Variants in P2RY10 observed in about 807,000 individuals in gnomAD.
P2RY10 encodes the protein P2Y receptor family member 10.
P2RY10 carries 4 observed loss-of-function variants against 12.1 expected under a neutral mutation model. That is an observed-to-expected ratio of 0.33 (90% CI 0.16 to 0.76). The LOEUF (loss-of-function observed/expected upper bound fraction) is 0.76, where lower values mean the gene tolerates loss of function less well. Among genes scored for constraint, P2RY10 ranks in the 30% least tolerant of loss-of-function variants. P2RY10 has a pLI of 0.61. For missense variants in P2RY10, 233 were observed against 264.6 expected (o/e 0.88, Z 0.83); for synonymous variants, 112 against 94.1 (o/e 1.19, Z -1.10).
At chrX:78,946,984 C>G (rs1293487070) in intron 1 of P2RY10, among the ~76,000 whole-genome samples, 1 of 111,607 alleles carries the variant, frequency 9.0e-6, no homozygotes, top group African/African-American at 3.3e-5. Context: ...GAGGCCGAGA[C>G]AGGTGGATCA....
Position 78,961,007 on chromosome X carries a change from G to A in P2RY10, c.487G>A (p.Ala163Thr). 1 of 1,211,590 alleles carries A rather than the reference G, an allele frequency of 8.3e-7. No homozygotes were observed. Among genetic ancestry groups the A allele is most frequent in the Non-Finnish European group, 1.1e-6 (1 of 895,312 alleles). Reference sequence around the variant, plus strand: ...TGCCATCTGGATCGTTGTGGGGACTGCCTGTTTGCCATTTCCCATCCTGAG... The same window carrying A: ...TGCCATCTGGATCGTTGTGGGGACTACCTGTTTGCCATTTCCCATCCTGAG... ...SAAIWIVVGT[A>T]CLPFPILRST... The change falls in exon 4 of 4, where the codon GCC becomes ACC. Residue 163 changes from alanine (A) to threonine (T), a missense_variant. Ala to Thr is a moderately conservative substitution (Grantham distance 58). Transcript: ENST00000171757.
Position 78,962,927 on chromosome X carries a change from G to A in P2RY10, c.*1387G>A, listed in dbSNP as rs774047057. On this transcript the variant is annotated 3_prime_UTR_variant, in exon 4 of 4. Transcript: ENST00000171757. ...AACTTTTAAGAAGATTTCTGTGAGC[G>A]TAATTGACAATATCTGCATTAGAAA... Among the ~76,000 whole-genome samples, 28 of 112,112 alleles carry A rather than the reference G, an allele frequency of 2.5e-4. No homozygotes were observed. Among genetic ancestry groups the A allele is most frequent in the South Asian group, 7.4e-4 (2 of 2,696 alleles).
chrX:78,963,652 C>A lies in P2RY10; in HGVS notation c.*2112C>A, dbSNP rs1216383347. 9.0e-6 allele frequency among the ~76,000 whole-genome samples: 1 copy of A among 111,151 alleles called. No homozygotes were observed. Among genetic ancestry groups the A allele is most frequent in the Non-Finnish European group, 1.9e-5 (1 of 52,790 alleles). ...CTACCATTTAAGTGGAATCTTTGAACTTTTTTTTTGACATGTGAATCTCTA... is the reference window on the plus strand; with the variant it reads ...CTACCATTTAAGTGGAATCTTTGAAATTTTTTTTTGACATGTGAATCTCTA... On this transcript the variant is annotated 3_prime_UTR_variant, in exon 4 of 4. Coordinates refer to ENST00000171757, the MANE Select transcript of P2RY10 (RefSeq NM_014499.4).
chrX:78,956,498 G>T (rs1922339550), intron 3 of P2RY10, among the ~76,000 whole-genome samples: 1 of 110,975 alleles, frequency 9.0e-6, no homozygotes, highest in Non-Finnish European at 1.9e-5. Flanking sequence ...CTAGGTCCTG[G>T]CTATATGGTG....
At chrX:78,951,643 G>A (rs1292795032) in intron 2 of P2RY10, among the ~76,000 whole-genome samples, 1 of 111,333 alleles carries the variant, frequency 9.0e-6, no homozygotes, top group Non-Finnish European at 1.9e-5. Flanking sequence ...TCTGAGTTGG[G>A]CTCCAGGTAA....
chrX:78,961,249 G>A lies in P2RY10; in HGVS notation c.729G>A (p.Arg243=), dbSNP rs1382166632. Residue 243 remains arginine (R), a synonymous_variant, in exon 4 of 4, where the codon CGG becomes CGA. Coordinates refer to ENST00000171757, the MANE Select transcript of P2RY10 (RefSeq NM_014499.4). ...TCAGTGAGAGGCAGAAAGCACTGCG[G>A]ATGGTGTTCATGTGTGCTGCAGTCT... is the stretch of plus-strand genomic sequence containing the variant. ...QGISERQKAL[R]MVFMCAAVFF... 1.7e-6 allele frequency: 2 copies of A among 1,210,772 alleles called. No individual in the cohort carries two copies. Among genetic ancestry groups the A allele is most frequent in the Admixed American group, 2.2e-5 (1 of 46,027 alleles).
intron 3 of P2RY10, among the ~76,000 whole-genome samples, chrX:78,957,163 C>T (rs1322074748): frequency 9.1e-6 from 1 of 109,493 alleles, no homozygotes; most frequent in Non-Finnish European, 1.9e-5. Context: ...GCTTGAGTGT[C>T]TGGGAGGGGA....
rs745654937 is a variant in P2RY10 at position 78,952,571 on chromosome X, C to T, written c.-14+236C>T. 8.1e-5 allele frequency among the ~76,000 whole-genome samples: 9 copies of T among 111,240 alleles called. No individual in the cohort carries two copies. The South Asian group carries it at 1.5e-3, about 19-fold the overall frequency. ...GGCAACAAAGAGCTAGAATAAGGTG[C>T]GTAGACAAGAAAATTACTTTGGGAG... On this transcript the variant is annotated intron_variant, in intron 3 of 3. Transcript: ENST00000171757.
chrX:78,946,993 C>A (rs747280428), intron 1 of P2RY10, among the ~76,000 whole-genome samples: 22 of 111,569 alleles, frequency 2.0e-4, no homozygotes, highest in African/African-American at 6.8e-4. Flanking sequence ...ACAGGTGGAT[C>A]ACCTGAGGTC....
rs1333895644 is a variant in P2RY10, at chrX:78,961,408, C to G, written c.888C>G (p.Leu296=). 3.0e-5 allele frequency: 36 copies of G among 1,209,586 alleles called. No individual in the cohort carries two copies. The highest frequency in any genetic ancestry group is 4.0e-5 in the Non-Finnish European group (36 of 894,877). ...CTTTTTGCCTGTGCCTTGCAAGTCT[C>G]TGCTGCCTTTTGGATCCAATTCTTT... is the stretch of plus-strand genomic sequence containing the variant. ...FHPFCLCLAS[L]CCLLDPILYY... Residue 296 remains leucine, a synonymous_variant, in exon 4 of 4, where the codon CTC becomes CTG. Transcript: ENST00000171757.
intron 3 of P2RY10, among the ~76,000 whole-genome samples, chrX:78,955,602 A>T (rs766883218): frequency 8.9e-6 from 1 of 112,002 alleles, no homozygotes; most frequent in Non-Finnish European, 1.9e-5. Context: ...CCAACTTTTA[A>T]AGATGTCAGG....
At chrX:78,958,122 T>G (rs960733951) in intron 3 of P2RY10, among the ~76,000 whole-genome samples, 4 of 112,543 alleles carry the variant, frequency 3.6e-5, no homozygotes, top group Non-Finnish European at 7.5e-5. Flanking sequence ...CAGTGTGGCA[T>G]AAGTAGGGAC....
Position 78,960,899 on chromosome X carries a change from A to G in P2RY10, c.379A>G (p.Ile127Val). The G allele has an allele frequency of 8.3e-7, 1 of 1,211,378 alleles. No homozygotes were observed. Among genetic ancestry groups the G allele is most frequent in the Non-Finnish European group, 1.1e-6 (1 of 895,367 alleles). Residue 127 changes from isoleucine (I) to valine (V), a missense_variant, in exon 4 of 4, where the codon ATC (isoleucine) becomes GTC (valine). Coordinates refer to ENST00000171757, the MANE Select transcript of P2RY10 (RefSeq NM_014499.4). ...MYASICFLTC[I>V]SLQRCFFLLK... ...TGCCAGCATTTGTTTCCTGACGTGC[A>G]TCAGTCTTCAAAGGTGCTTTTTTCT...
Position 78,962,977 on chromosome X carries a change from A to G in P2RY10, c.*1437A>G, listed in dbSNP as rs920956154. Among the ~76,000 whole-genome samples the G allele has an allele frequency of 5.3e-5, 6 of 112,509 alleles. No individual in the cohort carries two copies. The highest frequency in any genetic ancestry group is 1.1e-4 in the Non-Finnish European group (6 of 53,293). On this transcript the variant is annotated 3_prime_UTR_variant, in exon 4 of 4. Coordinates refer to ENST00000171757, the MANE Select transcript of P2RY10 (RefSeq NM_014499.4). ...ACAGAAAGTATTATCCATCATAAAT[A>G]TGAGAAAAGTGTGTGTCCTCTTTCT...
Position 78,960,621 on chromosome X carries a change from A to C in P2RY10, c.101A>C (p.Tyr34Ser). Residue 34 changes from tyrosine to serine, a missense_variant, in exon 4 of 4, where the codon TAC becomes TCC. Transcript: ENST00000171757. ...AATGTCACTAATGTGAAATTTCAATACTCCCTCTATGCAACCACCTATATC... is the reference window on the plus strand; with the variant it reads ...AATGTCACTAATGTGAAATTTCAATCCTCCCTCTATGCAACCACCTATATC... ...YCNVTNVKFQ[Y>S]SLYATTYILI... 1 of 1,208,910 alleles carries C rather than the reference A, an allele frequency of 8.3e-7. No individual in the cohort carries two copies. Among genetic ancestry groups the C allele is most frequent in the Non-Finnish European group, 1.1e-6 (1 of 893,468 alleles).
At chrX:78,950,670 C>A (rs932897279) in intron 2 of P2RY10, among the ~76,000 whole-genome samples, 2 of 111,772 alleles carry the variant, frequency 1.8e-5, no homozygotes, top group Non-Finnish European at 3.8e-5. Context: ...GCCATATATG[C>A]ATAGTGCATA....
chrX:78,961,611 T>C lies in P2RY10; in HGVS notation c.*71T>C, dbSNP rs1164305010. On this transcript the variant is annotated 3_prime_UTR_variant, in exon 4 of 4. Transcript: ENST00000171757. ...TGTCTTTTTCCAAAGGCCAGAATTG[T>C]CAACCAATTTCTTTAATTGAACATT... 5.1e-6 allele frequency: 4 copies of C among 783,179 alleles called. No individual in the cohort carries two copies. In the African/African-American group the frequency reaches 8.4e-5, roughly 16 times the overall value. 64.5% of individuals were successfully genotyped at this position (783,179 alleles called of 1,213,427 possible).
intron 3 of P2RY10, among the ~76,000 whole-genome samples, chrX:78,957,556 G>T (rs1215441918): frequency 9.0e-6 from 1 of 110,949 alleles, no homozygotes; most frequent in Non-Finnish European, 1.9e-5. Context: ...CAAGCTAAGT[G>T]TTCCCTCTAA....
chrX:78,957,387 C>CACACACACACACAGAG (rs760263078), intron 3 of P2RY10, among the ~76,000 whole-genome samples: 3 of 75,811 alleles, frequency 4.0e-5, no homozygotes, highest in Non-Finnish European at 8.2e-5. Context: ...CACACACACA[C>CACACACACACACAGAG]AGAGAGAGAG....
Sources: allele counts gnomAD v4.1 joint callset (sites outside exome capture counted in the v4.1 genomes callset), GRCh38; gene constraint gnomAD v4.1.1; transcripts MANE v1.5; gene names NCBI Gene and HGNC (gene_info 2026-07-23, HGNC 2026-07-21).